UNC13C: variants seen among roughly 807,000 people sequenced by gnomAD.
The protein encoded by UNC13C is unc-13 homolog C, also known as protein unc-13 homolog C.
A neutral mutation model predicts 245.4 loss-of-function variants in UNC13C; 174 were observed. That is an observed-to-expected ratio of 0.71 (90% CI 0.63 to 0.80). The LOEUF (loss-of-function observed/expected upper bound fraction) is 0.80. UNC13C is among the 30% of genes least tolerant of loss of function. The pLI is 0.00. For synonymous variants in UNC13C, 992 were observed against 895.1 expected, an observed-to-expected ratio of 1.11 and a Z score of -1.93; for missense variants, 2,829 against 2,602.9, an observed-to-expected ratio of 1.09 and a Z score of -1.89.
intron 30 of UNC13C, among the ~76,000 whole-genome samples, chr15:54,612,717 C>T (rs745910015): frequency 6.6e-6 from 1 of 151,894 alleles, no homozygotes; most frequent in African/African-American, 2.4e-5. Context: ...TTGTTGCAAA[C>T]GAAGTGGATA....
chr15:54,094,777 T>A lies in UNC13C; in HGVS notation c.2984-48241T>A, dbSNP rs1411015870. On this transcript the variant is annotated intron_variant, in intron 2 of 32. Transcript: ENST00000260323. ...CTCTCTCTCCCCCAGTTAAGGCCTG[T>A]GCAGCTATCTCTGAGTTTTGGCAAG... Among the ~76,000 whole-genome samples, 3 of 152,296 alleles carry A rather than the reference T, an allele frequency of 2.0e-5. No homozygotes were observed. In the East Asian group the frequency reaches 5.8e-4, roughly 29 times the overall value.
Position 54,004,899 on chromosome 15 carries a change from C to T in UNC13C, c.-256-7749C>T, listed in dbSNP as rs183362852. Among the ~76,000 whole-genome samples, 92 of 152,078 alleles carry T rather than the reference C, an allele frequency of 6.0e-4. 1 individual carries two copies. Among genetic ancestry groups the T allele is most frequent in the Non-Finnish European group, 1.0e-4 (7 of 67,980 alleles). On this transcript the variant is annotated intron_variant, in intron 1 of 32. Coordinates refer to ENST00000260323, the MANE Select transcript of UNC13C (RefSeq NM_001080534.3). Reference sequence around the variant, plus strand: ...AGTTGTTTGAGCTCCTTATATATTCCGGTTATTAATCCCTTGTCGGATGGG... The same window carrying T: ...AGTTGTTTGAGCTCCTTATATATTCTGGTTATTAATCCCTTGTCGGATGGG...
At chr15:53,915,580 C>T in the UNC13C span, among the ~76,000 whole-genome samples, 1 of 152,216 alleles carries the variant, frequency 6.6e-6, no homozygotes, top group African/African-American at 2.4e-5. Context: ...ACTCAAAACA[C>T]AAATGGCAAA....
intron 17 of UNC13C, among the ~76,000 whole-genome samples, chr15:54,385,153 T>C (rs1472828300): frequency 6.6e-6 from 1 of 152,088 alleles, no homozygotes; most frequent in Non-Finnish European, 1.5e-5. Context: ...CATGTATTTA[T>C]TGCAGCATTA....
chr15:54,195,612 C>G (rs548732666), intron 4 of UNC13C, among the ~76,000 whole-genome samples: 13 of 151,956 alleles, frequency 8.6e-5, no homozygotes, highest in Non-Finnish European at 1.3e-4. Flanking sequence ...TTTATATAAC[C>G]TAAACTTCTC....
intron 17 of UNC13C, among the ~76,000 whole-genome samples, chr15:54,368,755 C>A (rs575411052): frequency 4.6e-5 from 7 of 152,150 alleles, no homozygotes; most frequent in African/African-American, 1.7e-4. Flanking sequence ...AGAGATTTTG[C>A]TTTTTGTTTC....
the UNC13C span, among the ~76,000 whole-genome samples, chr15:53,929,015 C>G: frequency 6.6e-6 from 1 of 152,104 alleles, no homozygotes; most frequent in African/African-American, 2.4e-5. Flanking sequence ...TTAGTCTGTT[C>G]TCATGCTGGT....
the UNC13C span, among the ~76,000 whole-genome samples, chr15:53,893,858 GA>G: frequency 6.6e-6 from 1 of 152,216 alleles, no homozygotes; most frequent in Non-Finnish European, 1.5e-5. Flanking sequence ...CAAGGGGAGT[GA>G]ACGGTTCCGT....
chr15:54,291,238 C>T (rs555346421), intron 10 of UNC13C, among the ~76,000 whole-genome samples: 1 of 151,948 alleles, frequency 6.6e-6, no homozygotes, highest in African/African-American at 2.4e-5. Flanking sequence ...TGGGAGACAG[C>T]TGTGCTCTTA....
In UNC13C at chr15:54,415,262, T is replaced by C. The variant is rs144734843; in HGVS notation, c.4933+195T>C. The stretch of plus-strand genomic sequence containing the variant: ...AAAAAGCCCTAAAGAAGTATATACA[T>C]TTTTAATTATATGGTCTAAGTTCTT... On this transcript the variant is annotated intron_variant, in intron 19 of 32. Coordinates refer to ENST00000260323, the MANE Select transcript of UNC13C (RefSeq NM_001080534.3). 5.0e-3 allele frequency among the ~76,000 whole-genome samples: 762 copies of C among 152,290 alleles called. 1 individual carries two copies. Among genetic ancestry groups the C allele is most frequent in the South Asian group, 0.019 (91 of 4,826 alleles).
At chr15:54,369,470 A>T in intron 17 of UNC13C, among the ~76,000 whole-genome samples, 1 of 152,158 alleles carries the variant, frequency 6.6e-6, no homozygotes, top group East Asian at 1.9e-4. Context: ...TGATTCAGGC[A>T]TTAATAAGCA....
intron 14 of UNC13C, among the ~76,000 whole-genome samples, chr15:54,329,527 A>C (rs1022413576): frequency 1.3e-5 from 2 of 152,042 alleles, no homozygotes; most frequent in Non-Finnish European, 2.9e-5. Context: ...CCTTGGGGAA[A>C]CATTTTTTAA....
the UNC13C span, among the ~76,000 whole-genome samples, chr15:53,884,274 T>C: frequency 7.2e-5 from 11 of 152,140 alleles, no homozygotes; most frequent in Non-Finnish European, 1.6e-4. Context: ...CCAGACTTAG[T>C]TTCCATCAGG....
chr15:53,972,775 G>A, the UNC13C span: 1 of 151,982 alleles, frequency 6.6e-6, no homozygotes, highest in Non-Finnish European at 1.5e-5. Context: ...ATTCACATTT[G>A]TACTCTAGCC....
intron 8 of UNC13C, among the ~76,000 whole-genome samples, chr15:54,263,225 G>A (rs1302551866): frequency 6.6e-6 from 1 of 152,186 alleles, no homozygotes; most frequent in Non-Finnish European, 1.5e-5. Context: ...AGTTGCTTCT[G>A]TACCAAAAAA....
intron 17 of UNC13C, among the ~76,000 whole-genome samples, chr15:54,391,296 A>G (rs1395356155): frequency 6.6e-6 from 1 of 152,154 alleles, no homozygotes; most frequent in East Asian, 1.9e-4. Flanking sequence ...AAGTAGTTTT[A>G]TTTATCACCT....
In UNC13C at chr15:54,568,630, T is replaced by C. The variant is rs567218317; in HGVS notation, c.6106+683T>C. 2.0e-5 allele frequency among the ~76,000 whole-genome samples: 3 copies of C among 152,314 alleles called. No homozygotes were observed. The South Asian group carries it at 6.2e-4, about 32-fold the overall frequency. The stretch of plus-strand genomic sequence containing the variant: ...AGATCTGGCATTTCTAAGAGATTAT[T>C]GAAAATGTCAGTACGAGTCAAAAGA... On this transcript the variant is annotated intron_variant, in intron 30 of 32. Transcript: ENST00000260323.
chr15:54,111,940 A>G (rs1040550262), intron 2 of UNC13C, among the ~76,000 whole-genome samples: 1 of 152,096 alleles, frequency 6.6e-6, no homozygotes, highest in African/African-American at 2.4e-5. Context: ...ATTTATAGAG[A>G]ACCTTTTGCC....
chr15:54,129,212 C>T (rs1468942260), intron 2 of UNC13C, among the ~76,000 whole-genome samples: 1 of 152,078 alleles, frequency 6.6e-6, no homozygotes, highest in Non-Finnish European at 1.5e-5. Flanking sequence ...TGTTAAAGCA[C>T]GGTTTTATCA....
Sources: allele counts gnomAD v4.1 joint callset (sites outside exome capture counted in the v4.1 genomes callset), GRCh38; gene constraint gnomAD v4.1.1; transcripts MANE v1.5; gene names NCBI Gene and HGNC (gene_info 2026-07-23, HGNC 2026-07-21).